The following SIN3B variants were observed in gnomAD, a reference collection of about 807,000 sequenced individuals.
The protein encoded by SIN3B is SIN3 transcription regulator family member B.
In SIN3B, 19 loss-of-function variants were observed where a neutral mutation model predicts 120.2. That is an observed-to-expected ratio of 0.16 (90% CI 0.11 to 0.23). SIN3B has a LOEUF of 0.23. SIN3B is among the 10% of genes least tolerant of loss of function. The pLI is 1.00. For missense variants in SIN3B, 1,073 were observed against 1,573.0 expected (o/e 0.68, Z 5.38); for synonymous variants, 654 against 653.2 (o/e 1.00, Z -0.02).
chr19:16,869,679 G>T lies in SIN3B; in HGVS notation c.2026G>T (p.Ala676Ser). ...LFFSQQLDLG[A>S]SEESADEDRD... ...CTTCTCTCAGCAGCTGGACCTGGGC[G>T]CCTCCGAGGAGTCAGCTGATGAGGA... is the stretch of plus-strand genomic sequence containing the variant. The change falls in exon 13 of 19, where the codon GCC becomes TCC. Residue 676 changes from alanine (A) to serine (S), a missense_variant. Transcript: ENST00000248054. The T allele has an allele frequency of 6.2e-7, 1 of 1,613,520 alleles. No individual in the cohort carries two copies. Among genetic ancestry groups the T allele is most frequent in the Non-Finnish European group, 8.5e-7 (1 of 1,180,010 alleles).
intron 2 of SIN3B, among the ~76,000 whole-genome samples, 200 bp downstream of exon 2, chr19:16,830,097 C>T (rs557880421): frequency 6.6e-6 from 1 of 152,312 alleles, no homozygotes; most frequent in African/African-American, 2.4e-5. Flanking sequence ...TGTGGGGATT[C>T]CTGGAAGCAG....
chr19:16,837,105 T>G (rs995407874), intron 3 of SIN3B, among the ~76,000 whole-genome samples: 1 of 152,002 alleles, frequency 6.6e-6, no homozygotes, highest in African/African-American at 2.4e-5. Flanking sequence ...GGGCAGGACC[T>G]GTTTCATGAG....
intron 18 of SIN3B, 23 bp downstream of exon 18, chr19:16,878,413 C>T: frequency 6.2e-7 from 1 of 1,600,198 alleles, no homozygotes; most frequent in African/African-American, 1.3e-5. Flanking sequence ...GCCTGGGCTG[C>T]CCCGACATGC....
chr19:16,831,143 G>C (rs1370535955), intron 2 of SIN3B, among the ~76,000 whole-genome samples: 1 of 151,592 alleles, frequency 6.6e-6, no homozygotes, highest in African/African-American at 2.4e-5. Context: ...GCTCACTGCA[G>C]CCTCCGCCTC....
intron 14 of SIN3B, chr19:16,875,820 G>C (rs970134237): frequency 3.5e-6 from 2 of 575,964 alleles, no homozygotes; most frequent in Admixed American, 6.3e-5. Context: ...GGTCTGGTCT[G>C]GTCTGTTTGG....
chr19:16,875,876 C>CTGGTCTGGTCTGTT, intron 14 of SIN3B, 179 bp from the exon 15 acceptor site: 1 of 705,544 alleles, frequency 1.4e-6, no homozygotes, highest in Non-Finnish European at 2.3e-6. Context: ...CTGGTCTGGT[C>CTGGTCTGGTCTGTT]TGGTCTGGTC....
chr19:16,867,044 C>T (rs533723212), intron 12 of SIN3B, among the ~76,000 whole-genome samples: 19 of 152,282 alleles, frequency 1.2e-4, no homozygotes, highest in African/African-American at 2.6e-4. Context: ...CGTAAGCCAC[C>T]GCTCCTGGCC....
chr19:16,864,737 T>A (rs968706543), intron 10 of SIN3B, among the ~76,000 whole-genome samples: 12 of 151,196 alleles, frequency 7.9e-5, no homozygotes, highest in African/African-American at 2.7e-4. Context: ...ACGCCTGTAA[T>A]CCCTGCACTT....
intron 16 of SIN3B, 74 bp from the exon 17 acceptor site, chr19:16,877,471 C>A: frequency 8.7e-7 from 1 of 1,144,046 alleles, no homozygotes; most frequent in Non-Finnish European, 1.3e-6. Flanking sequence ...AGCTCCTGAA[C>A]TCAGAGTCCA....
chr19:16,831,064 CTTT>C (rs34911805), intron 2 of SIN3B, among the ~76,000 whole-genome samples: 3 of 138,078 alleles, frequency 2.2e-5, no homozygotes, highest in South Asian at 2.3e-4. Context: ...CATGGGGGCA[CTTT>C]TTTTTTTTTT....
At chr19:16,870,116 T>G (rs1568425405) in intron 13 of SIN3B, 41 bp downstream of exon 13, 1 of 1,514,100 alleles carries the variant, frequency 6.6e-7, no homozygotes. Context: ...GGGGGGTGCC[T>G]GGGGTTAGGG....
chr19:16,834,991 A>G (rs897385588), intron 3 of SIN3B, among the ~76,000 whole-genome samples: 1 of 150,756 alleles, frequency 6.6e-6, no homozygotes, highest in Non-Finnish European at 1.5e-5. Flanking sequence ...CAATGACACA[A>G]TCTCGACTCA....
intron 4 of SIN3B, among the ~76,000 whole-genome samples, chr19:16,845,756 G>C (rs1037337451): frequency 6.6e-6 from 1 of 151,374 alleles, no homozygotes; most frequent in Non-Finnish European, 1.5e-5. Flanking sequence ...ATCTTGCTCT[G>C]TTGCCTAGGC....
At chr19:16,874,046 C>A (rs952167436) in intron 14 of SIN3B, among the ~76,000 whole-genome samples, 1 of 152,216 alleles carries the variant, frequency 6.6e-6, no homozygotes, top group African/African-American at 2.4e-5. Flanking sequence ...CTGGGCTGTG[C>A]AGGCGGGTGA....
At chr19:16,859,816 A>C (rs954536805) in intron 8 of SIN3B, among the ~76,000 whole-genome samples, 3 of 152,078 alleles carry the variant, frequency 2.0e-5, no homozygotes, top group African/African-American at 7.2e-5. Flanking sequence ...CCCACCTGGG[A>C]AAAGGGGCCC....
intron 14 of SIN3B, among the ~76,000 whole-genome samples, chr19:16,873,014 C>T (rs2051532497): frequency 6.6e-6 from 1 of 152,074 alleles, no homozygotes; most frequent in Non-Finnish European, 1.5e-5. Flanking sequence ...AGGTGTGTCC[C>T]GCTGATGGCA....
In SIN3B at chr19:16,829,459, C is replaced by T. The variant is rs1010004278; in HGVS notation, c.39C>T (p.Ala13=). ...HAGGGSGGSG[A]GGPAGRGLSG... ...GCGGTGGCAGCGGTGGCAGCGGTGC[C>T]GGCGGCCCCGCGGGCCGGGGGCTGA... Residue 13 remains alanine, a synonymous_variant, in exon 1 of 19, where the codon GCC becomes GCT. Coordinates refer to ENST00000248054, the MANE Select transcript of SIN3B (RefSeq NM_001297595.2). 211 of 1,215,342 alleles carry T rather than the reference C, an allele frequency of 1.7e-4. No homozygotes were observed. Among genetic ancestry groups the T allele is most frequent in the Non-Finnish European group, 2.1e-4 (205 of 977,280 alleles). 75.3% of individuals were successfully genotyped at this position (1,215,342 alleles called of 1,614,324 possible).
chr19:16,860,098 TCGTATGGGGAAGGG>T (rs1971666028), intron 8 of SIN3B, among the ~76,000 whole-genome samples: 1 of 152,116 alleles, frequency 6.6e-6, no homozygotes, highest in South Asian at 2.1e-4. Context: ...CAGTAGAGAC[TCGTATGGGGAAGGG>T]CGTTTGGGGA....
At chr19:16,848,678 T>G (rs1307032926) in intron 5 of SIN3B, among the ~76,000 whole-genome samples, 1 of 152,180 alleles carries the variant, frequency 6.6e-6, no homozygotes, top group Non-Finnish European at 1.5e-5. Flanking sequence ...TTTTTGTATT[T>G]TTTGTAGAGA....
Sources: allele counts gnomAD v4.1 joint callset (sites outside exome capture counted in the v4.1 genomes callset), GRCh38; gene constraint gnomAD v4.1.1; transcripts MANE v1.5; gene names NCBI Gene and HGNC (gene_info 2026-07-23, HGNC 2026-07-21).